PAFAH2: variants seen among roughly 807,000 people sequenced by gnomAD.
PAFAH2 encodes the protein platelet activating factor acetylhydrolase 2, also known as platelet-activating factor acetylhydrolase 2, cytoplasmic.
In PAFAH2, 42 loss-of-function variants were observed where a neutral mutation model predicts 49.0. The ratio of observed to expected loss-of-function variants is 0.86; its 90% confidence interval spans 0.67 to 1.11. PAFAH2 has a LOEUF of 1.11. PAFAH2 is among the 50% of genes least tolerant of loss of function. The pLI is 0.00. For missense variants in PAFAH2, 503 were observed against 501.8 expected (o/e 1.00, Z -0.02); for synonymous variants, 184 against 181.3 (o/e 1.01, Z -0.12).
intron 8 of PAFAH2, among the ~76,000 whole-genome samples, chr1:25,975,456 C>T (rs186064697): frequency 2.0e-5 from 3 of 152,066 alleles, no homozygotes; most frequent in Admixed American, 1.3e-4. Flanking sequence ...GTAGCATGTA[C>T]CTGTAGTCCC....
intron 3 of PAFAH2, 69 bp downstream of exon 3, chr1:25,989,379 C>A: frequency 7.8e-6 from 11 of 1,415,618 alleles, no homozygotes; most frequent in Non-Finnish European, 1.0e-5. Flanking sequence ...GTACTGCGTC[C>A]ACCTGGGGAT....
intron 1 of PAFAH2, among the ~76,000 whole-genome samples, chr1:25,995,546 A>G (rs542416990): frequency 6.6e-6 from 1 of 152,326 alleles, no homozygotes; most frequent in Non-Finnish European, 1.5e-5. Context: ...CTTTTCTTTC[A>G]TTCAGACACG....
intron 1 of PAFAH2, among the ~76,000 whole-genome samples, chr1:25,996,082 G>A (rs1467775187): frequency 1.3e-5 from 2 of 152,114 alleles, no homozygotes; most frequent in South Asian, 2.1e-4. Flanking sequence ...ATGGCCAGAC[G>A]CAGTGGCTCA....
chr1:25,977,471 C>T (rs1165147388), intron 7 of PAFAH2, among the ~76,000 whole-genome samples: 1 of 151,252 alleles, frequency 6.6e-6, no homozygotes, highest in Non-Finnish European at 1.5e-5. Context: ...GGCTCAAACA[C>T]AGCAAAACCT....
At chr1:25,967,935 G>T (rs559908577) in intron 10 of PAFAH2, among the ~76,000 whole-genome samples, 4 of 152,148 alleles carry the variant, frequency 2.6e-5, no homozygotes, top group Admixed American at 2.6e-4. Context: ...GGTGGCCGAG[G>T]TGGGCGGATG....
In PAFAH2 at chr1:25,961,223, G is replaced by A. The variant is rs936425299; in HGVS notation, c.*766C>T. 3 of 152,218 alleles carry A rather than the reference G, an allele frequency of 2.0e-5. No homozygotes were observed. Among genetic ancestry groups the A allele is most frequent in the African/African-American group, 7.2e-5 (3 of 41,438 alleles). The allele number at this position is 152,218 out of a possible 1,614,324, so 9.4% of individuals were successfully genotyped here. A position where few individuals can be genotyped will look rare whatever the true frequency, so the allele number is the denominator to read the frequency against. The stretch of plus-strand genomic sequence containing the variant: ...GTGCAAATGGCCATTTAACACTGTT[G>A]TTCTGTCATCTTCCCCATCTCAACC... On this transcript the variant is annotated 3_prime_UTR_variant, in exon 11 of 11. Coordinates refer to ENST00000374282, the MANE Select transcript of PAFAH2 (RefSeq NM_000437.4).
intron 7 of PAFAH2, among the ~76,000 whole-genome samples, chr1:25,980,316 C>T (rs116471286): frequency 0.012 from 1,811 of 152,016 alleles, 32 homozygotes; most frequent in African/African-American, 0.041. Flanking sequence ...AAGCAGTAAT[C>T]GTAAATATAT....
At chr1:25,986,984 C>T (rs914559313) in intron 4 of PAFAH2, among the ~76,000 whole-genome samples, 1 of 151,862 alleles carries the variant, frequency 6.6e-6, no homozygotes, top group African/African-American at 2.4e-5. Flanking sequence ...TGGCTCATGC[C>T]TGTAATCCTA....
At chr1:25,989,151 C>T (rs553253096) in intron 3 of PAFAH2, among the ~76,000 whole-genome samples, 51 of 152,288 alleles carry the variant, frequency 3.3e-4, no homozygotes, top group Non-Finnish European at 5.3e-4. Flanking sequence ...AGAGGCTTTA[C>T]GTACATCCCG....
rs2049324236 is a variant in PAFAH2, at chr1:25,960,503, C to A, written c.*1486G>T. On this transcript the variant is annotated 3_prime_UTR_variant, in exon 11 of 11. Coordinates refer to ENST00000374282, the MANE Select transcript of PAFAH2 (RefSeq NM_000437.4). ...GAAGAAAGACAGAAGGAAGTCAATT[C>A]CAGATGGCTCTCCATCTTGCTCTAC... is the stretch of plus-strand genomic sequence containing the variant. 6.6e-6 allele frequency: 1 copy of A among 152,640 alleles called. No individual in the cohort carries two copies. The highest frequency in any genetic ancestry group is 1.5e-5 in the Non-Finnish European group (1 of 68,048). 9.5% of individuals were successfully genotyped at this position (152,640 alleles called of 1,614,324 possible). A position where few individuals can be genotyped will look rare whatever the true frequency, so the allele number is the denominator to read the frequency against.
At chr1:25,977,795 G>A (rs1188667178) in intron 7 of PAFAH2, among the ~76,000 whole-genome samples, 1 of 152,080 alleles carries the variant, frequency 6.6e-6, no homozygotes, top group Non-Finnish European at 1.5e-5. Context: ...ACTGGTCCGA[G>A]GGTCCATGAC....
intron 10 of PAFAH2, among the ~76,000 whole-genome samples, chr1:25,971,966 G>C (rs922104458): frequency 6.6e-6 from 1 of 152,196 alleles, no homozygotes; most frequent in African/African-American, 2.4e-5. Context: ...GTGGAGTAGA[G>C]AGAGGTGAAT....
rs138308097 is a variant in PAFAH2 at position 25,978,085 on chromosome 1, T to C, written c.667-1312A>G. Among the ~76,000 whole-genome samples the C allele has an allele frequency of 1.7e-3, 260 of 152,296 alleles. 3 individuals carry two copies. The highest frequency in any genetic ancestry group is 5.6e-3 in the African/African-American group (234 of 41,560). On this transcript the variant is annotated intron_variant, in intron 7 of 10. Transcript: ENST00000374282. Reference sequence around the variant, plus strand: ...CCTCTCCAGGCTCTACAGCCCAGCCTCTGCTCTGAACTTTTGCTCTGCTCT... The same window carrying C: ...CCTCTCCAGGCTCTACAGCCCAGCCCCTGCTCTGAACTTTTGCTCTGCTCT...
At chr1:25,963,437 G>A (rs1027414227) in intron 10 of PAFAH2, among the ~76,000 whole-genome samples, 9 of 152,240 alleles carry the variant, frequency 5.9e-5, no homozygotes, top group South Asian at 2.1e-4. Context: ...AATAGAGCCC[G>A]TTAAGGGAAG....
intron 4 of PAFAH2, among the ~76,000 whole-genome samples, chr1:25,986,170 C>T (rs892949147): frequency 6.6e-6 from 1 of 152,158 alleles, no homozygotes; most frequent in Non-Finnish European, 1.5e-5. Context: ...CTTATGAAAG[C>T]ACATTCTGGA....
rs1260146007 is a variant in PAFAH2 at position 25,960,917 on chromosome 1, T to C, written c.*1072A>G. ...GCCTCCTAGGTTCAAGTGATTCTTC[T>C]GCTTCAGCCTCCTGAGTAGCTGGGA... On this transcript the variant is annotated 3_prime_UTR_variant, in exon 11 of 11. Coordinates refer to ENST00000374282, the MANE Select transcript of PAFAH2 (RefSeq NM_000437.4). 6.6e-6 allele frequency: 1 copy of C among 152,122 alleles called. No homozygotes were observed. Among genetic ancestry groups the C allele is most frequent in the Non-Finnish European group, 1.5e-5 (1 of 68,038 alleles). 9.4% of individuals were successfully genotyped at this position (152,122 alleles called of 1,614,324 possible). A position where few individuals can be genotyped will look rare whatever the true frequency, so the allele number is the denominator to read the frequency against.
rs370452078 is a variant in PAFAH2 at position 25,974,682 on chromosome 1, T to C, written c.759-32A>G. 47 of 1,595,648 alleles carry C rather than the reference T, an allele frequency of 2.9e-5. No homozygotes were observed. The Middle Eastern group carries it at 6.7e-4, about 23-fold the overall frequency. Reference sequence around the variant, plus strand: ...TAGGACCAGACATTTGGAATTGCCATGCGGATCCCAGGCAAGAATAGTTAG... The same window carrying C: ...TAGGACCAGACATTTGGAATTGCCACGCGGATCCCAGGCAAGAATAGTTAG... On this transcript the variant is annotated intron_variant, in intron 8 of 10. Coordinates refer to ENST00000374282, the MANE Select transcript of PAFAH2 (RefSeq NM_000437.4).
intron 3 of PAFAH2, among the ~76,000 whole-genome samples, chr1:25,988,806 C>CAAAAA (rs59169423): frequency 1.8e-5 from 1 of 54,342 alleles, no homozygotes; most frequent in African/African-American, 7.5e-5. Context: ...TCCATCTCAC[C>CAAAAA]AAAAAAAAAA....
rs1184342400 is a variant in PAFAH2, at chr1:25,974,676, T to C, written c.759-26A>G. 3.1e-6 allele frequency: 5 copies of C among 1,600,056 alleles called. No homozygotes were observed. In the African/African-American group the frequency reaches 4.0e-5, roughly 13 times the overall value. On this transcript the variant is annotated intron_variant, in intron 8 of 10. Transcript: ENST00000374282. ...CTGGAATAGGACCAGACATTTGGAA[T>C]TGCCATGCGGATCCCAGGCAAGAAT...
Sources: allele counts gnomAD v4.1 joint callset (sites outside exome capture counted in the v4.1 genomes callset), GRCh38; gene constraint gnomAD v4.1.1; transcripts MANE v1.5; gene names NCBI Gene and HGNC (gene_info 2026-07-23, HGNC 2026-07-21).